The following ZNF845 variants were observed in gnomAD, a reference collection of about 807,000 sequenced individuals.
The protein encoded by ZNF845 is zinc finger protein 845.
ZNF845 carries 59 observed loss-of-function variants against 76.1 expected under a neutral mutation model. That is an observed-to-expected ratio of 0.78 (90% CI 0.63 to 0.96). The LOEUF is 0.96. Ranked by LOEUF, ZNF845 falls within the 40% of genes least tolerant of loss-of-function variation. ZNF845 has a pLI of 0.00. For missense variants in ZNF845, 1,045 were observed against 1,172.8 expected, an observed-to-expected ratio of 0.89 and a Z score of 1.59; for synonymous variants, 361 against 386.9, an observed-to-expected ratio of 0.93 and a Z score of 0.78.
rs189121411 is a variant in ZNF845 at position 53,354,281 on chromosome 19, A to G, written c.*693A>G. On this transcript the variant is annotated 3_prime_UTR_variant, in exon 4 of 4. Coordinates refer to ENST00000458035, the MANE Select transcript of ZNF845 (RefSeq NM_138374.3). ...AATGCAATGAGTATAGCAAACCATCAAGCATTAATTGGCATTAGAGTCAAT... is the reference window on the plus strand; with the variant it reads ...AATGCAATGAGTATAGCAAACCATCGAGCATTAATTGGCATTAGAGTCAAT... The G allele has an allele frequency of 6.9e-6, 3 of 432,992 alleles. No individual in the cohort carries two copies. Among genetic ancestry groups the G allele is most frequent in the East Asian group, 1.3e-4 (2 of 14,862 alleles). The allele number at this position is 432,992 out of a possible 1,614,324, so 26.8% of individuals were successfully genotyped here. A position where few individuals can be genotyped will look rare whatever the true frequency, so the allele number is the denominator to read the frequency against.
intron 3 of ZNF845, chr19:53,346,426 A>G: frequency 5.1e-6 from 2 of 393,568 alleles, no homozygotes; most frequent in South Asian, 3.6e-5. Context: ...CATGCCTGTA[A>G]TCCCGGCACT....
Position 53,351,272 on chromosome 19 carries a change from T to G in ZNF845, c.597T>G (p.Ser199=). Residue 199 remains serine, a synonymous_variant, in exon 4 of 4, where the codon TCT becomes TCG. Transcript: ENST00000458035. ...ACTATGGGAATAATTTCCTGAATTC[T>G]TCATTACTCACACAAAAGCAGGAAG... ...SKNYGNNFLN[S]SLLTQKQEVH... is the part of the protein sequence containing the mutation. The G allele has an allele frequency of 1.9e-6, 3 of 1,614,240 alleles. No individual in the cohort carries two copies. The South Asian group carries it at 3.3e-5, about 18-fold the overall frequency.
intron 1 of ZNF845, among the ~76,000 whole-genome samples, chr19:53,336,944 GT>G (rs1345038783): frequency 6.6e-6 from 1 of 152,084 alleles, no homozygotes; most frequent in African/African-American, 2.4e-5. Flanking sequence ...TTTCAGTTTT[GT>G]TGTCATTTGT....
In ZNF845 at chr19:53,353,266, G is replaced by T. The variant is rs764080433; in HGVS notation, c.2591G>T (p.Cys864Phe). 1.2e-6 allele frequency: 2 copies of T among 1,613,730 alleles called. No individual in the cohort carries two copies. The highest frequency in any genetic ancestry group is 1.7e-6 in the Non-Finnish European group (2 of 1,179,850). Residue 864 changes from cysteine to phenylalanine, a missense_variant, in exon 4 of 4, where the codon TGT (cysteine) becomes TTT (phenylalanine). By Grantham distance (205) the Cys-to-Phe change is radical (BLOSUM62 -2). Coordinates refer to ENST00000458035, the MANE Select transcript of ZNF845 (RefSeq NM_138374.3). ...GAAAAACCTTACAAGTGTAGTGAAT[G>T]TGGCAAGGTTTTTAATAGAAAAGCA... ...TGEKPYKCSE[C>F]GKVFNRKANL...
rs1256012695 is a variant in ZNF845 at position 53,351,160 on chromosome 19, A to G, written c.485A>G (p.Asn162Ser). The change falls in exon 4 of 4, where the codon AAT (asparagine) becomes AGT (serine). Residue 162 changes from asparagine (N) to serine (S), a missense_variant. Coordinates refer to ENST00000458035, the MANE Select transcript of ZNF845 (RefSeq NM_138374.3). ...HMFQTEGKIG[N>S]QVEKSINSAS... ...TTTCAGACCGAAGGGAAAATTGGTAATCAAGTTGAGAAGTCTATCAACAGT... is the reference window on the plus strand; with the variant it reads ...TTTCAGACCGAAGGGAAAATTGGTAGTCAAGTTGAGAAGTCTATCAACAGT... 7 of 1,614,232 alleles carry G rather than the reference A, an allele frequency of 4.3e-6. No homozygotes were observed. Among genetic ancestry groups the G allele is most frequent in the Admixed American group, 3.3e-5 (2 of 60,026 alleles).
chr19:53,338,554 C>G (rs1293774765), intron 1 of ZNF845, among the ~76,000 whole-genome samples: 1 of 147,158 alleles, frequency 6.8e-6, no homozygotes, highest in Non-Finnish European at 1.5e-5. Flanking sequence ...CAGCTGGAGG[C>G]TCCGTGACTT....
chr19:53,347,386 C>T (rs1168817430), intron 3 of ZNF845, among the ~76,000 whole-genome samples: 9 of 151,576 alleles, frequency 5.9e-5, no homozygotes, highest in Non-Finnish European at 1.2e-4. Flanking sequence ...AAGTGATTCT[C>T]CTGCCTCAGT....
chr19:53,345,658 G>A, intron 3 of ZNF845, 26 bp downstream of exon 3: 4 of 1,610,884 alleles, frequency 2.5e-6, no homozygotes, highest in Non-Finnish European at 3.4e-6. Flanking sequence ...CTCCAGAAGT[G>A]GGGATGTGCC....
In ZNF845 at chr19:53,345,647, C is replaced by G; in HGVS notation, c.142+15C>G. ...GGTCTCCCTGGGTGAGGATAACTTC[C>G]CTCCAGAAGTGGGGATGTGCCCTTG... On this transcript the variant is annotated intron_variant, in intron 3 of 3. Transcript: ENST00000458035. 1 of 1,611,836 alleles carries G rather than the reference C, an allele frequency of 6.2e-7. No homozygotes were observed. Among genetic ancestry groups the G allele is most frequent in the Non-Finnish European group, 8.5e-7 (1 of 1,179,330 alleles).
intron 1 of ZNF845, among the ~76,000 whole-genome samples, chr19:53,336,009 C>G (rs1002962692): frequency 6.6e-6 from 1 of 151,524 alleles, no homozygotes; most frequent in African/African-American, 2.4e-5. Context: ...GTCAGGAATT[C>G]AAGACCAGCG....
At chr19:53,334,227 G>A (rs1250411051) in intron 1 of ZNF845, among the ~76,000 whole-genome samples, 4 of 152,116 alleles carry the variant, frequency 2.6e-5, no homozygotes, top group Admixed American at 6.5e-5. Context: ...CTGAGCCCGC[G>A]TTGGGGAGGT....
In ZNF845 at chr19:53,354,212, C is replaced by T; in HGVS notation, c.*624C>T. 1 of 536,986 alleles carries T rather than the reference C, an allele frequency of 1.9e-6. No individual in the cohort carries two copies. Among genetic ancestry groups the T allele is most frequent in the Non-Finnish European group, 3.6e-6 (1 of 276,508 alleles). 33.3% of individuals were successfully genotyped at this position (536,986 alleles called of 1,614,324 possible). On this transcript the variant is annotated 3_prime_UTR_variant, in exon 4 of 4. Coordinates refer to ENST00000458035, the MANE Select transcript of ZNF845 (RefSeq NM_138374.3). ...GCAAGGTCTTCAGTCTGAGATCACC[C>T]CTTAAGGAACATCAGAAAATTCATT...
rs1555824083 is a variant in ZNF845 at position 53,352,970 on chromosome 19, C to A, written c.2295C>A (p.His765Gln). 6.2e-7 allele frequency: 1 copy of A among 1,613,698 alleles called. No individual in the cohort carries two copies. The highest frequency in any genetic ancestry group is 2.2e-5 in the East Asian group (1 of 44,840). ...VFSRKSSLEKHRRIHTGEKPY... is the reference protein window; with the variant it reads ...VFSRKSSLEKQRRIHTGEKPY... Reference sequence around the variant, plus strand: ...GTCGCAAATCAAGCCTTGAAAAACACAGGAGAATTCATACTGGAGAGAAAC... The same window carrying A: ...GTCGCAAATCAAGCCTTGAAAAACAAAGGAGAATTCATACTGGAGAGAAAC... The change falls in exon 4 of 4, where the codon CAC (histidine) becomes CAA (glutamine). Residue 765 changes from histidine (H) to glutamine (Q), a missense_variant. His to Gln is a conservative substitution (Grantham distance 24). Coordinates refer to ENST00000458035, the MANE Select transcript of ZNF845 (RefSeq NM_138374.3).
chr19:53,349,710 T>A (rs79878506), intron 3 of ZNF845, among the ~76,000 whole-genome samples: 1 of 152,202 alleles, frequency 6.6e-6, no homozygotes, highest in African/African-American at 2.4e-5. Context: ...GTATGTGGTA[T>A]GCAATATAAC....
At chr19:53,341,974 A>G (rs1257369583) in intron 2 of ZNF845, among the ~76,000 whole-genome samples, 1 of 152,158 alleles carries the variant, frequency 6.6e-6, no homozygotes, top group Non-Finnish European at 1.5e-5. Context: ...CTGTGGGGTT[A>G]CTGCGGAGAG....
chr19:53,351,330 G>A lies in ZNF845; in HGVS notation c.655G>A (p.Glu219Lys). The A allele has an allele frequency of 6.2e-7, 1 of 1,614,216 alleles. No individual in the cohort carries two copies. The highest frequency in any genetic ancestry group is 8.5e-7 in the Non-Finnish European group (1 of 1,180,040). The change falls in exon 4 of 4, where the codon GAG (glutamate) becomes AAG (lysine). Residue 219 changes from glutamate (E) to lysine (K), a missense_variant. Glu to Lys is a moderately conservative substitution (Grantham distance 56). Coordinates refer to ENST00000458035, the MANE Select transcript of ZNF845 (RefSeq NM_138374.3). ...GAGAGAAAAATCTTTCCAATGTAAT[G>A]AGAGTGGCAAAGCCTTTAATTATAG... Reference protein sequence around the residue: ...HMREKSFQCNESGKAFNYSSV... With the variant: ...HMREKSFQCNKSGKAFNYSSV...
Position 53,333,784 on chromosome 19 carries a change from A to G in ZNF845, c.-82A>G, listed in dbSNP as rs552971972. 4.3e-4 allele frequency: 68 copies of G among 159,862 alleles called. No homozygotes were observed. The highest frequency in any genetic ancestry group is 2.2e-3 in the Admixed American group (34 of 15,630). 9.9% of individuals were successfully genotyped at this position (159,862 alleles called of 1,614,324 possible). ...GCGGATCGCATGGAGTGATGGTCCC[A>G]CCGCAGCGGTGAGTTTTGCTCTGTG... is the stretch of plus-strand genomic sequence containing the variant. On this transcript the variant is annotated 5_prime_UTR_variant, in exon 1 of 4. Coordinates refer to ENST00000458035, the MANE Select transcript of ZNF845 (RefSeq NM_138374.3).
chr19:53,343,384 G>C (rs944949597), intron 2 of ZNF845, among the ~76,000 whole-genome samples: 6 of 152,132 alleles, frequency 3.9e-5, no homozygotes, highest in African/African-American at 1.4e-4. Context: ...CTGCCTCTGT[G>C]CACACCTGCG....
At chr19:53,350,726 A>G in intron 3 of ZNF845, 92 bp from the exon 4 acceptor site, 2 of 1,474,950 alleles carry the variant, frequency 1.4e-6, no homozygotes, top group Non-Finnish European at 1.8e-6. Context: ...GAAGTTTAAA[A>G]TAAGTATTGT....
Sources: gnomAD v4.1 joint callset for allele counts (sites outside exome capture counted in the v4.1 genomes callset) on GRCh38, gnomAD v4.1.1 for gene constraint, MANE v1.5 for transcripts, NCBI Gene and HGNC (gene_info 2026-07-23, HGNC 2026-07-21) for gene names.